PHIP: variants seen among roughly 807,000 people sequenced by gnomAD.
PHIP encodes PHIP subunit of CUL4-Ring ligase complex, also known as PH-interacting protein.
PHIP carries 54 observed loss-of-function variants against 236.8 expected under a neutral mutation model. That is an observed-to-expected ratio of 0.23 (90% CI 0.18 to 0.29). The LOEUF is 0.29. Among genes scored for constraint, PHIP ranks in the 10% least tolerant of loss-of-function variants. The pLI, the probability that PHIP is intolerant of heterozygous loss-of-function variation, is 1.00. For missense variants in PHIP, 1,370 were observed against 2,190.8 expected, an observed-to-expected ratio of 0.63 and a Z score of 7.48; for synonymous variants, 756 against 718.9, an observed-to-expected ratio of 1.05 and a Z score of -0.83.
rs765510724 is a variant in PHIP, at chr6:78,978,733, T to C, written c.2770-22A>G. On this transcript the variant is annotated intron_variant, in intron 23 of 39. Coordinates refer to ENST00000275034, the MANE Select transcript of PHIP (RefSeq NM_017934.7). ...ATCTCTGACAAAATTTAAGTAATAATTGTTAAGTAATAATCAAAAAAGCAT... is the reference window on the plus strand; with the variant it reads ...ATCTCTGACAAAATTTAAGTAATAACTGTTAAGTAATAATCAAAAAAGCAT... 8 of 1,573,652 alleles carry C rather than the reference T, an allele frequency of 5.1e-6. No individual in the cohort carries two copies. The African/African-American group carries it at 8.1e-5, about 16-fold the overall frequency.
At chr6:78,944,903 T>A (rs778829949) in intron 39 of PHIP, among the ~76,000 whole-genome samples, 8 of 152,204 alleles carry the variant, frequency 5.3e-5, no homozygotes, top group Admixed American at 3.9e-4. Context: ...CAGTAAGGTG[T>A]CAAAAGTTGT....
Position 78,946,134 on chromosome 6 carries a change from T to C in PHIP, c.4497A>G (p.Glu1499=). The C allele has an allele frequency of 6.2e-7, 1 of 1,614,094 alleles. No homozygotes were observed. Residue 1499 remains glutamate (E), a synonymous_variant, in exon 38 of 40, where the codon GAA becomes GAG. Transcript: ENST00000275034. Reference sequence around the variant, plus strand: ...TTCTGGTTCGAACCACAGAACTAGATTCTGTTTTACCGTTTATCTGAGCAG... The same window carrying C: ...TTCTGGTTCGAACCACAGAACTAGACTCTGTTTTACCGTTTATCTGAGCAG... ...HNAAQINGKT[E]SSSVVRTRSN...
In PHIP at chr6:78,940,931, C is replaced by G; in HGVS notation, c.5228G>C (p.Arg1743Pro). Residue 1743 changes from arginine to proline, a missense_variant, in exon 40 of 40, where the codon CGA (arginine) becomes CCA (proline). Transcript: ENST00000275034. Reference protein sequence around the residue: ...ASVKVLRRSNRKKIDDPIDEE... With the variant: ...ASVKVLRRSNPKKIDDPIDEE... ...ATCTATAGGATCATCTATCTTTTTT[C>G]GGTTACTTCTCCTTAACACTTTGAC... The G allele has an allele frequency of 6.2e-7, 1 of 1,613,672 alleles. No individual in the cohort carries two copies. Among genetic ancestry groups the G allele is most frequent in the Non-Finnish European group, 8.5e-7 (1 of 1,179,804 alleles).
rs1467989919 is a variant in PHIP, at chr6:79,059,594, T to TATAC, written c.439+883_439+884insGTAT. 9.1e-3 allele frequency among the ~76,000 whole-genome samples: 441 copies of TATAC among 48,688 alleles called. 3 individuals carry two copies. Among genetic ancestry groups the TATAC allele is most frequent in the South Asian group, 0.015 (16 of 1,052 alleles). 31.9% of individuals were successfully genotyped at this position (48,688 alleles called of 152,430 possible). On this transcript the variant is annotated intron_variant, in intron 6 of 39. Coordinates refer to ENST00000275034, the MANE Select transcript of PHIP (RefSeq NM_017934.7). ...AAACAAAAAGTTGAAAGCAAAATTA[T>TATAC]ATATATATATATATATATATATATA...
chr6:79,000,360 T>C (rs972727044), intron 17 of PHIP, among the ~76,000 whole-genome samples: 53 of 152,170 alleles, frequency 3.5e-4, no homozygotes, highest in African/African-American at 1.3e-3. Context: ...GAAGAAAGAA[T>C]AATGGACTGA....
chr6:79,011,265 T>C (rs186228226), intron 15 of PHIP, among the ~76,000 whole-genome samples: 7 of 152,010 alleles, frequency 4.6e-5, no homozygotes, highest in Admixed American at 1.3e-4. Context: ...ACTCAAGTTA[T>C]GTAAGGACTG....
At chr6:79,077,568 C>T in intron 3 of PHIP, 61 bp from the exon 4 acceptor site, 1 of 1,016,678 alleles carries the variant, frequency 9.8e-7, no homozygotes, top group Non-Finnish European at 1.2e-6. Flanking sequence ...GCTCCCCTCC[C>T]CCGCCCGCCC....
chr6:79,052,348 A>G (rs1582289434), intron 6 of PHIP, among the ~76,000 whole-genome samples: 1 of 152,348 alleles, frequency 6.6e-6, no homozygotes, highest in Middle Eastern at 3.4e-3. Context: ...TTCAAGCAAC[A>G]TGAAGAAGTC....
chr6:79,065,984 T>C (rs1773602795), intron 4 of PHIP, among the ~76,000 whole-genome samples: 1 of 152,086 alleles, frequency 6.6e-6, no homozygotes. Context: ...AATATAAACT[T>C]AAGCTTTTAA....
intron 19 of PHIP, among the ~76,000 whole-genome samples, chr6:78,993,889 C>G (rs1041165974): frequency 6.6e-6 from 1 of 152,184 alleles, no homozygotes; most frequent in Non-Finnish European, 1.5e-5. Context: ...TATAGCTGCA[C>G]TAGTTATTCT....
intron 7 of PHIP, among the ~76,000 whole-genome samples, chr6:79,039,810 TA>T (rs1251510714): frequency 6.6e-6 from 1 of 152,136 alleles, no homozygotes; most frequent in Non-Finnish European, 1.5e-5. Flanking sequence ...GAAATGATTT[TA>T]AAACCAAGTA....
rs1004529160 is a variant in PHIP at position 78,937,353 on chromosome 6, T to C, written c.*3340A>G. The C allele has an allele frequency of 6.6e-6, 1 of 151,740 alleles. No individual in the cohort carries two copies. Among genetic ancestry groups the C allele is most frequent in the Admixed American group, 6.6e-5 (1 of 15,232 alleles). The allele number at this position is 151,740 out of a possible 1,614,324, so 9.4% of individuals were successfully genotyped here. On this transcript the variant is annotated 3_prime_UTR_variant, in exon 40 of 40. Coordinates refer to ENST00000275034, the MANE Select transcript of PHIP (RefSeq NM_017934.7). ...ATATTACAAATCATATCTGAAAACA[T>C]GTAAATGCTGCTAACATATAAGATA...
chr6:78,966,002 C>G lies in PHIP; in HGVS notation c.3260G>C (p.Ser1087Thr). 1 of 1,613,880 alleles carries G rather than the reference C, an allele frequency of 6.2e-7. No homozygotes were observed. The highest frequency in any genetic ancestry group is 8.5e-7 in the Non-Finnish European group (1 of 1,179,804). The change falls in exon 28 of 40, where the codon AGC (serine) becomes ACC (threonine). Residue 1087 changes from serine to threonine, a missense_variant. Around this residue, in one of 14 missense-constraint regions of PHIP, gnomAD observed 238 missense variants for 398.5 expected, o/e 0.60. Coordinates refer to ENST00000275034, the MANE Select transcript of PHIP (RefSeq NM_017934.7). ...DDAWWFGTIE[S>T]QEPLQLEYPD... ...GTACTCAAGTTGAAGAGGTTCCTGGCTTTCGATTGTTCCAAACCACCAGGC... is the reference window on the plus strand; with the variant it reads ...GTACTCAAGTTGAAGAGGTTCCTGGGTTTCGATTGTTCCAAACCACCAGGC...
At chr6:79,021,118 G>C (rs1771098326) in intron 9 of PHIP, among the ~76,000 whole-genome samples, 1 of 152,060 alleles carries the variant, frequency 6.6e-6, no homozygotes, top group Non-Finnish European at 1.5e-5. Context: ...GAATTATTTT[G>C]ATTAACCAAT....
At chr6:79,049,764 CAG>C (rs1282618435) in intron 6 of PHIP, among the ~76,000 whole-genome samples, 1 of 152,080 alleles carries the variant, frequency 6.6e-6, no homozygotes, top group African/African-American at 2.4e-5. Flanking sequence ...GACTAGACAT[CAG>C]AGAGTAATGT....
chr6:79,064,976 G>A (rs1773555033), intron 4 of PHIP, among the ~76,000 whole-genome samples: 1 of 152,114 alleles, frequency 6.6e-6, no homozygotes, highest in Admixed American at 6.5e-5. Context: ...TACCTGGGTG[G>A]ATGTCAACCC....
chr6:79,010,375 A>G (rs967412029), intron 15 of PHIP, among the ~76,000 whole-genome samples: 3 of 151,760 alleles, frequency 2.0e-5, no homozygotes, highest in African/African-American at 7.2e-5. Flanking sequence ...ATTGTTCTGG[A>G]TTAGTGGACA....
intron 24 of PHIP, among the ~76,000 whole-genome samples, chr6:78,976,501 CA>C: frequency 1.0e-5 from 1 of 99,400 alleles, no homozygotes; most frequent in African/African-American, 3.6e-5. Context: ...AAAGCAATGG[CA>C]ACCAAAGCCA....
In PHIP at chr6:78,997,061, C is replaced by T. The variant is rs943039593; in HGVS notation, c.2201+353G>A. ...TATCATGTGAATGGCTGGCTAAATC[C>T]ATTAAAAAATTAAATAATTACAACA... On this transcript the variant is annotated intron_variant, in intron 19 of 39. Coordinates refer to ENST00000275034, the MANE Select transcript of PHIP (RefSeq NM_017934.7). 4.6e-5 allele frequency among the ~76,000 whole-genome samples: 7 copies of T among 150,734 alleles called. No homozygotes were observed. The East Asian group carries it at 1.2e-3, about 25-fold the overall frequency.
Sources: allele counts gnomAD v4.1 joint callset (sites outside exome capture counted in the v4.1 genomes callset), GRCh38; gene constraint gnomAD v4.1.1; regional missense constraint gnomAD v4.1.1; transcripts MANE v1.5; gene names NCBI Gene and HGNC (gene_info 2026-07-23, HGNC 2026-07-21).